The following CSGALNACT1 variants were observed in gnomAD, a reference collection of about 807,000 sequenced individuals.
The protein encoded by CSGALNACT1 is chondroitin sulfate N-acetylgalactosaminyltransferase 1, also known as beta4GalNAcT-1.
Under a neutral mutation model 51.0 loss-of-function variants are expected in CSGALNACT1, and 52 were observed. That is an observed-to-expected ratio of 1.02 (90% CI 0.82 to 1.29). CSGALNACT1 has a LOEUF of 1.29. Among genes scored for constraint, CSGALNACT1 ranks in the 50% most tolerant of loss-of-function variants. The pLI is 0.00. For missense variants in CSGALNACT1, 935 were observed against 679.2 expected (o/e 1.38, Z -4.19); for synonymous variants, 341 against 254.4 (o/e 1.34, Z -3.24).
intron 2 of CSGALNACT1, among the ~76,000 whole-genome samples, chr8:19,591,938 TG>T (rs1419894448): frequency 6.6e-6 from 1 of 152,170 alleles, no homozygotes; most frequent in African/African-American, 2.4e-5. Context: ...ACACTGTCAA[TG>T]AGGAATAGAT....
chr8:19,571,215 C>T (rs1035032021), intron 3 of CSGALNACT1, among the ~76,000 whole-genome samples: 6 of 152,130 alleles, frequency 3.9e-5, no homozygotes, highest in African/African-American at 1.4e-4. Flanking sequence ...AGCAATCTGC[C>T]TGCCACAACC....
At chr8:19,407,052 T>A (rs553745296) in intron 9 of CSGALNACT1, among the ~76,000 whole-genome samples, 1 of 152,282 alleles carries the variant, frequency 6.6e-6, no homozygotes, top group South Asian at 2.1e-4. Context: ...GATTTGCACA[T>A]AACCATTTAG....
chr8:19,573,150 GA>G (rs977565489), intron 3 of CSGALNACT1, among the ~76,000 whole-genome samples: 3 of 152,154 alleles, frequency 2.0e-5, no homozygotes, highest in Non-Finnish European at 2.9e-5. Flanking sequence ...CTCAAGACAT[GA>G]AAAAGATTAA....
chr8:19,440,074 C>A lies in CSGALNACT1; in HGVS notation c.852-143G>T, dbSNP rs1370711694. 6 of 709,310 alleles carry A rather than the reference C, an allele frequency of 8.5e-6. No individual in the cohort carries two copies. The East Asian group carries it at 1.1e-4, about 13-fold the overall frequency. The allele number at this position is 709,310 out of a possible 1,614,324, so 43.9% of individuals were successfully genotyped here. ...GGAGAGCCGAGATGGGAATCCAGAA[C>A]CTTTCTGGTTGGCCATTCCAACTAT... On this transcript the variant is annotated intron_variant, in intron 5 of 9. Transcript: ENST00000454498.
intron 1 of CSGALNACT1, among the ~76,000 whole-genome samples, chr8:19,631,091 T>C (rs1334026173): frequency 6.6e-6 from 1 of 152,228 alleles, no homozygotes. Context: ...TGTTGGTCTA[T>C]CCATGCATCT....
chr8:19,546,748 C>T (rs1393693363), intron 3 of CSGALNACT1, among the ~76,000 whole-genome samples: 2 of 152,116 alleles, frequency 1.3e-5, no homozygotes, highest in Admixed American at 6.6e-5. Context: ...ATATGAAACC[C>T]CTCCAAACTC....
chr8:19,618,624 T>G (rs1405514580), intron 1 of CSGALNACT1, among the ~76,000 whole-genome samples: 1 of 44,534 alleles, frequency 2.2e-5, no homozygotes, highest in Non-Finnish European at 3.9e-5. Context: ...AGAGGAATAC[T>G]CCATCAAAAA....
At chr8:19,599,922 C>T (rs972589174) in intron 2 of CSGALNACT1, among the ~76,000 whole-genome samples, 9 of 152,212 alleles carry the variant, frequency 5.9e-5, no homozygotes, top group African/African-American at 1.9e-4. Flanking sequence ...GCTTGGCAAT[C>T]ACAGGATCCC....
At chr8:19,748,780 C>T (rs2064845987) in intron 1 of CSGALNACT1, among the ~76,000 whole-genome samples, 1 of 152,136 alleles carries the variant, frequency 6.6e-6, no homozygotes, top group South Asian at 2.1e-4. Flanking sequence ...ACCTGGCCAA[C>T]ATGGTGAATC....
chr8:19,688,385 G>T (rs2061097076), intron 1 of CSGALNACT1, among the ~76,000 whole-genome samples: 1 of 152,134 alleles, frequency 6.6e-6, no homozygotes, highest in African/African-American at 2.4e-5. Flanking sequence ...AAACAAAATG[G>T]TAGACAAGTG....
intron 1 of CSGALNACT1, among the ~76,000 whole-genome samples, chr8:19,613,865 T>C (rs2052634662): frequency 6.6e-6 from 1 of 152,230 alleles, no homozygotes; most frequent in Non-Finnish European, 1.5e-5. Context: ...TGATTTTATT[T>C]GGGGAGAACA....
In CSGALNACT1 at chr8:19,510,425, A is replaced by C. The variant is rs184067300; in HGVS notation, c.-296-4295T>G. Among the ~76,000 whole-genome samples the C allele has an allele frequency of 1.1e-4, 16 of 152,322 alleles. 1 individual carries two copies. In the South Asian group the frequency reaches 2.1e-3, roughly 20 times the overall value. On this transcript the variant is annotated intron_variant, in intron 3 of 9. Transcript: ENST00000454498. ...TGAATAAACAATAGACGACAGTCTC[A>C]GTCCACTCTATCTAGGATTCTGTCT...
At chr8:19,553,640 A>ATATATATATATATATATATATGT (rs201836569) in intron 3 of CSGALNACT1, among the ~76,000 whole-genome samples, 1 of 117,044 alleles carries the variant, frequency 8.5e-6, no homozygotes, top group Non-Finnish European at 1.7e-5. Context: ...TATATATATA[A>ATATATATATATATATATATATGT]AAAAATATGT....
chr8:19,547,082 T>C (rs76460666), intron 3 of CSGALNACT1, among the ~76,000 whole-genome samples: 1,580 of 152,178 alleles, frequency 0.01, 23 homozygotes, highest in African/African-American at 0.036. Flanking sequence ...CCCAAGAATA[T>C]AACAAATATA....
chr8:19,652,377 T>C (rs564677890), intron 1 of CSGALNACT1, among the ~76,000 whole-genome samples: 34 of 152,294 alleles, frequency 2.2e-4, no homozygotes, highest in Non-Finnish European at 4.1e-4. Context: ...TGACAGTATA[T>C]ACAAATTCAA....
At chr8:19,564,386 G>A (rs368048891) in intron 3 of CSGALNACT1, among the ~76,000 whole-genome samples, 8 of 149,206 alleles carry the variant, frequency 5.4e-5, no homozygotes, top group African/African-American at 1.5e-4. Flanking sequence ...TTTTTCTCAG[G>A]TGAGGTTCAG....
At chr8:19,448,553 G>A (rs2062542047) in intron 5 of CSGALNACT1, among the ~76,000 whole-genome samples, 1 of 152,224 alleles carries the variant, frequency 6.6e-6, no homozygotes, top group Admixed American at 6.5e-5. Context: ...GGTAACAGAG[G>A]TAAAATGAAC....
At chr8:19,638,875 C>G (rs550101936) in intron 1 of CSGALNACT1, among the ~76,000 whole-genome samples, 3 of 152,020 alleles carry the variant, frequency 2.0e-5, no homozygotes, top group Admixed American at 6.5e-5. Flanking sequence ...AAGCATACAC[C>G]GAGACTTACT....
intron 3 of CSGALNACT1, among the ~76,000 whole-genome samples, chr8:19,552,784 T>A (rs2088521605): frequency 6.6e-6 from 1 of 152,210 alleles, no homozygotes; most frequent in Non-Finnish European, 1.5e-5. Context: ...AAAGTCTAAC[T>A]GTAGCTAAAC....
Sources: gnomAD v4.1 joint callset for allele counts (sites outside exome capture counted in the v4.1 genomes callset) on GRCh38, gnomAD v4.1.1 for gene constraint, MANE v1.5 for transcripts, NCBI Gene and HGNC (gene_info 2026-07-23, HGNC 2026-07-21) for gene names.